HS3ST4: variants seen among roughly 807,000 people sequenced by gnomAD.
HS3ST4 encodes heparan sulfate glucosamine 3-O-sulfotransferase 4.
A neutral mutation model predicts 29.2 loss-of-function variants in HS3ST4; 17 were observed. The ratio of observed to expected loss-of-function variants is 0.58; its 90% CI spans 0.40 to 0.87. The LOEUF is 0.87. Among genes scored for constraint, HS3ST4 ranks in the 40% least tolerant of loss-of-function variants. The pLI, the probability that HS3ST4 is intolerant of heterozygous loss-of-function variation, is 0.00. For missense variants in HS3ST4, 627 were observed against 634.5 expected, an observed-to-expected ratio of 0.99 and a Z score of 0.13; for synonymous variants, 314 against 285.7, an observed-to-expected ratio of 1.10 and a Z score of -1.00.
intron 1 of HS3ST4, among the ~76,000 whole-genome samples, chr16:25,769,418 G>T (rs2141610287): frequency 6.6e-6 from 1 of 152,306 alleles, no homozygotes; most frequent in Non-Finnish European, 1.5e-5. Flanking sequence ...TAACAGGGCA[G>T]GGAGGACTAG....
intron 1 of HS3ST4, among the ~76,000 whole-genome samples, chr16:25,814,250 A>G (rs1337436516): frequency 1.2e-4 from 19 of 152,160 alleles, no homozygotes; most frequent in Admixed American, 1.2e-3. Flanking sequence ...TAATTATGGA[A>G]TGCAGCAGAA....
At chr16:25,906,285 C>T (rs1968178933) in intron 1 of HS3ST4, among the ~76,000 whole-genome samples, 1 of 152,064 alleles carries the variant, frequency 6.6e-6, no homozygotes, top group South Asian at 2.1e-4. Flanking sequence ...TGAGGACCCT[C>T]CTTCATAAGT....
chr16:25,940,520 A>G (rs1968562344), intron 1 of HS3ST4, among the ~76,000 whole-genome samples: 1 of 152,212 alleles, frequency 6.6e-6, no homozygotes, highest in African/African-American at 2.4e-5. Flanking sequence ...AATGAACCAG[A>G]ATGTTGGAGT....
intron 1 of HS3ST4, among the ~76,000 whole-genome samples, chr16:25,758,979 C>A (rs371463873): frequency 4.4e-5 from 5 of 113,244 alleles, no homozygotes; most frequent in East Asian, 2.1e-4. Flanking sequence ...AACAAAAAAA[C>A]AAAAAAAAAC....
chr16:26,054,897 G>A (rs912547663), intron 1 of HS3ST4, among the ~76,000 whole-genome samples: 4 of 151,946 alleles, frequency 2.6e-5, no homozygotes, highest in Admixed American at 6.6e-5. Flanking sequence ...AGGTGTTTTC[G>A]CTTCTCTTCA....
chr16:25,914,402 G>A (rs549167661), intron 1 of HS3ST4, among the ~76,000 whole-genome samples: 2 of 151,790 alleles, frequency 1.3e-5, no homozygotes, highest in East Asian at 3.9e-4. Context: ...ATATGTGTAT[G>A]AGGCTTGTAG....
intron 1 of HS3ST4, among the ~76,000 whole-genome samples, chr16:25,872,537 G>A (rs755792051): frequency 3.3e-5 from 5 of 152,180 alleles, no homozygotes; most frequent in Non-Finnish European, 7.3e-5. Context: ...AGTGTCACCT[G>A]AGGTAGTAAG....
chr16:26,112,381 C>CTTTTTTTTTT (rs386384539), intron 1 of HS3ST4, among the ~76,000 whole-genome samples: 1 of 111,972 alleles, frequency 8.9e-6, no homozygotes, highest in Non-Finnish European at 1.7e-5. Flanking sequence ...GCCTCTACAT[C>CTTTTTTTTTT]TTTTTTTTTT....
intron 1 of HS3ST4, among the ~76,000 whole-genome samples, chr16:26,111,687 C>A (rs980096888): frequency 6.6e-6 from 1 of 151,946 alleles, no homozygotes; most frequent in African/African-American, 2.4e-5. Context: ...TTTTTATATC[C>A]TTTTTAATAC....
intron 1 of HS3ST4, among the ~76,000 whole-genome samples, chr16:25,845,996 G>A (rs1967462717): frequency 6.6e-6 from 1 of 152,150 alleles, no homozygotes; most frequent in South Asian, 2.1e-4. Context: ...AAGGAACAAA[G>A]AGCTGGATTA....
At chr16:25,980,937 G>C (rs1968997872) in intron 1 of HS3ST4, among the ~76,000 whole-genome samples, 1 of 152,158 alleles carries the variant, frequency 6.6e-6, no homozygotes, top group Non-Finnish European at 1.5e-5. Flanking sequence ...GCAAGTTTAG[G>C]ATTGGCTAAC....
At chr16:25,905,672 A>G (rs1968171873) in intron 1 of HS3ST4, among the ~76,000 whole-genome samples, 1 of 152,246 alleles carries the variant, frequency 6.6e-6, no homozygotes, top group South Asian at 2.1e-4. Context: ...ATAATTAATC[A>G]GGAACTAGAA....
intron 1 of HS3ST4, among the ~76,000 whole-genome samples, chr16:26,107,546 C>T (rs1485912728): frequency 1.3e-5 from 2 of 152,226 alleles, no homozygotes; most frequent in African/African-American, 4.8e-5. Flanking sequence ...CTGCCACTCA[C>T]TCACCCTCTT....
rs1442145264 is a variant in HS3ST4, at chr16:25,814,376, T to C, written c.734+121225T>C. Reference sequence around the variant, plus strand: ...GGCGGGGGCGGGGGGAGATGGAGTCTCACTCTGTCACCCAGGCTGGAGTGC... The same window carrying C: ...GGCGGGGGCGGGGGGAGATGGAGTCCCACTCTGTCACCCAGGCTGGAGTGC... On this transcript the variant is annotated intron_variant, in intron 1 of 1. Transcript: ENST00000331351. 4.6e-5 allele frequency among the ~76,000 whole-genome samples: 7 copies of C among 152,028 alleles called. No homozygotes were observed. In the East Asian group the frequency reaches 5.8e-4, roughly 13 times the overall value.
At chr16:26,083,600 A>G (rs887689796) in intron 1 of HS3ST4, among the ~76,000 whole-genome samples, 1 of 152,196 alleles carries the variant, frequency 6.6e-6, no homozygotes, top group African/African-American at 2.4e-5. Flanking sequence ...CAGTACAGAA[A>G]TCAATTGGCA....
At chr16:25,892,602 C>T (rs1968021245) in intron 1 of HS3ST4, among the ~76,000 whole-genome samples, 1 of 152,152 alleles carries the variant, frequency 6.6e-6, no homozygotes, top group African/African-American at 2.4e-5. Flanking sequence ...TTGCAGGTGA[C>T]AGAAACCTAG....
At position 25,864,013 on chromosome 16, in the gene HS3ST4, C is replaced by CCACCTCTT. The variant is rs1555469511; in HGVS notation, c.734+170863_734+170864insACCTCTTC. ...CAGAGAGCCACCTTCCTGCTGCCTGCCGCCTCTTCGCCTCTTCGCGTGGGC... is the reference window on the plus strand; with the variant it reads ...CAGAGAGCCACCTTCCTGCTGCCTGCCACCTCTTCGCCTCTTCGCCTCTTCGCGTGGGC... On this transcript the variant is annotated intron_variant, in intron 1 of 1. Coordinates refer to ENST00000331351, the MANE Select transcript of HS3ST4 (RefSeq NM_006040.3). 3.3e-5 allele frequency among the ~76,000 whole-genome samples: 5 copies of CCACCTCTT among 151,790 alleles called. 1 individual carries two copies. The South Asian group carries it at 6.3e-4, about 19-fold the overall frequency.
At chr16:26,018,832 G>GAAAA (rs10624019) in intron 1 of HS3ST4, among the ~76,000 whole-genome samples, 2 of 136,642 alleles carry the variant, frequency 1.5e-5, no homozygotes, top group African/African-American at 2.6e-5. Context: ...CCTCCTCATG[G>GAAAA]AAAAAAAAAA....
At chr16:25,734,647 C>T (rs1280021294) in intron 1 of HS3ST4, among the ~76,000 whole-genome samples, 1 of 152,172 alleles carries the variant, frequency 6.6e-6, no homozygotes, top group East Asian at 1.9e-4. Context: ...ATCATGCAAA[C>T]AGTCCCAGGC....
Sources: allele counts gnomAD v4.1 joint callset (sites outside exome capture counted in the v4.1 genomes callset), GRCh38; gene constraint gnomAD v4.1.1; transcripts MANE v1.5; gene names NCBI Gene and HGNC (gene_info 2026-07-23, HGNC 2026-07-21).